Variants in EHMT1 observed in about 807,000 individuals in gnomAD.
The protein encoded by EHMT1 is euchromatic histone lysine methyltransferase 1, also known as histone-lysine N-methyltransferase EHMT1.
Under a neutral mutation model 147.2 loss-of-function variants are expected in EHMT1, and 15 were observed. The ratio of observed to expected loss-of-function variants is 0.10; its 90% CI spans 0.07 to 0.16. The LOEUF is 0.16. Ranked by LOEUF, EHMT1 falls within the 10% of genes least tolerant of loss-of-function variation. The pLI is 1.00. For synonymous variants in EHMT1, 795 were observed against 709.6 expected (o/e 1.12, Z -1.91); for missense variants, 1,587 against 1,772.4 (o/e 0.90, Z 1.88).
At chr9:137,705,078 A>G (rs1309772771) in intron 1 of EHMT1, among the ~76,000 whole-genome samples, 1 of 151,510 alleles carries the variant, frequency 6.6e-6, no homozygotes. Flanking sequence ...ACCTTGAACC[A>G]GCCTTGGTTC....
At chr9:137,735,774 G>A (rs1210994411) in intron 4 of EHMT1, among the ~76,000 whole-genome samples, 1 of 152,204 alleles carries the variant, frequency 6.6e-6, no homozygotes. Context: ...CTCGCTCTTA[G>A]TTGCCTTGAG....
intron 1 of EHMT1, among the ~76,000 whole-genome samples, chr9:137,622,226 C>G (rs1842983219): frequency 6.6e-6 from 1 of 151,132 alleles, no homozygotes; most frequent in African/African-American, 2.4e-5. Flanking sequence ...TCAAGTGATT[C>G]TTGTGCCTCA....
rs1951977012 is a variant in EHMT1, at chr9:137,786,497, C to T, written c.2382+4100C>T. 1 of 153,208 alleles carries T rather than the reference C, an allele frequency of 6.5e-6. No individual in the cohort carries two copies. Among genetic ancestry groups the T allele is most frequent in the Non-Finnish European group, 1.5e-5 (1 of 68,822 alleles). The allele number at this position is 153,208 out of a possible 1,614,324, so 9.5% of individuals were successfully genotyped here. On this transcript the variant is annotated intron_variant, in intron 15 of 26. Coordinates refer to ENST00000460843, the MANE Select transcript of EHMT1 (RefSeq NM_024757.5). This position sits in a 1 kb window ranked among gnomAD's most constrained non-coding sequence, Gnocchi z 4.3. The stretch of plus-strand genomic sequence containing the variant: ...ACTCTTTGGGCAGGCTCTGGCCACA[C>T]CAGTGAGGGCCTGTGGTGTCATCTC...
At chr9:137,676,280 AG>A (rs1179536435) in intron 1 of EHMT1, 1 of 130,316 alleles carries the variant, frequency 7.7e-6, no homozygotes, top group Non-Finnish European at 1.6e-5. Context: ...CGTGTCAGCC[AG>A]GATGGTCTTG....
intron 1 of EHMT1, among the ~76,000 whole-genome samples, chr9:137,679,602 A>G (rs1941742339): frequency 6.6e-6 from 1 of 152,120 alleles, no homozygotes; most frequent in Non-Finnish European, 1.5e-5. Flanking sequence ...TCTGTTGGCC[A>G]TTTGGGAATG....
intron 1 of EHMT1, among the ~76,000 whole-genome samples, chr9:137,694,345 C>T (rs1166194582): frequency 6.7e-6 from 1 of 149,826 alleles, no homozygotes; most frequent in Non-Finnish European, 1.5e-5. Flanking sequence ...GGACGCTGGC[C>T]GATACCCACC....
At chr9:137,744,224 A>G (rs1287525574) in intron 6 of EHMT1, 134 bp downstream of exon 6, 2 of 916,846 alleles carry the variant, frequency 2.2e-6, no homozygotes, top group East Asian at 2.7e-5. Context: ...AGATTTTTGT[A>G]TTTTATTTTT....
At chr9:137,819,945 G>C (rs1393583895) in intron 25 of EHMT1, 1 of 152,086 alleles carries the variant, frequency 6.6e-6, no homozygotes, top group African/African-American at 2.4e-5. Context: ...TCCCATCATT[G>C]CTCTGGAATT....
At chr9:137,683,252 A>G (rs1026897031) in intron 1 of EHMT1, among the ~76,000 whole-genome samples, 2 of 152,230 alleles carry the variant, frequency 1.3e-5, no homozygotes, top group African/African-American at 2.4e-5. Flanking sequence ...GCATTTGTAG[A>G]CAAGAGATCA....
chr9:137,643,027 G>A (rs1394169277), intron 1 of EHMT1, among the ~76,000 whole-genome samples: 2 of 151,818 alleles, frequency 1.3e-5, no homozygotes, highest in East Asian at 2.0e-4. Flanking sequence ...CTATGGGTGC[G>A]TGCCACTATT....
chr9:137,644,926 G>T (rs1347826009), intron 1 of EHMT1, among the ~76,000 whole-genome samples: 1 of 152,038 alleles, frequency 6.6e-6, no homozygotes, highest in Non-Finnish European at 1.5e-5. Context: ...AGGCTGGAGT[G>T]CAGTGGTGCG....
At chr9:137,671,739 G>C (rs771580786) in intron 1 of EHMT1, among the ~76,000 whole-genome samples, 41 of 152,056 alleles carry the variant, frequency 2.7e-4, no homozygotes, top group Admixed American at 3.9e-4. Flanking sequence ...TGTTGCCCAG[G>C]CTGAGCTTGA....
At chr9:137,699,730 A>T (rs1465395742) in intron 1 of EHMT1, among the ~76,000 whole-genome samples, 1 of 150,936 alleles carries the variant, frequency 6.6e-6, no homozygotes, top group African/African-American at 2.4e-5. Context: ...ACATGCCTGT[A>T]GTCCCACCTA....
intron 16 of EHMT1, among the ~76,000 whole-genome samples, chr9:137,795,437 TCA>T (rs1952852497): frequency 2.6e-5 from 1 of 38,214 alleles, no homozygotes; most frequent in Non-Finnish European, 6.7e-5. Flanking sequence ...ACTCTCACAC[TCA>T]CATACACACA....
rs1426563786 is a variant in EHMT1, at chr9:137,780,255, C to T, written c.2275+538C>T. ...ATGACGCTGGGATGTGTGGTGATGA[C>T]GCTGGGATGTGTGGTGATGATGCTG... On this transcript the variant is annotated intron_variant, in intron 14 of 26. Coordinates refer to ENST00000460843, the MANE Select transcript of EHMT1 (RefSeq NM_024757.5). Among the ~76,000 whole-genome samples, 8 of 132,570 alleles carry T rather than the reference C, an allele frequency of 6.0e-5. No homozygotes were observed. In the South Asian group the frequency reaches 1.2e-3, roughly 21 times the overall value. The allele number at this position is 132,570 out of a possible 152,430, so 87.0% of individuals were successfully genotyped here.
chr9:137,662,241 A>C (rs572208009), intron 1 of EHMT1, among the ~76,000 whole-genome samples: 1 of 152,178 alleles, frequency 6.6e-6, no homozygotes, highest in African/African-American at 2.4e-5. Flanking sequence ...TCTGTCACCC[A>C]GGCTGGAGTA....
chr9:137,755,267 G>A (rs1949294849), intron 8 of EHMT1, among the ~76,000 whole-genome samples: 1 of 152,114 alleles, frequency 6.6e-6, no homozygotes, highest in Non-Finnish European at 1.5e-5. Flanking sequence ...CTGCTCCCAG[G>A]CAGCCCCTGG....
At chr9:137,831,784 G>A (rs1178047172) in intron 25 of EHMT1, among the ~76,000 whole-genome samples, 4 of 152,258 alleles carry the variant, frequency 2.6e-5, no homozygotes, top group Admixed American at 1.3e-4. Flanking sequence ...AGTTGTTCCT[G>A]TTAACATGTG....
chr9:137,833,993 T>C (rs2133143377), intron 25 of EHMT1: 1 of 321,190 alleles, frequency 3.1e-6, no homozygotes, highest in South Asian at 3.6e-5. Flanking sequence ...CGGCCTCCTT[T>C]CTCCTATTGG....
Sources: allele counts gnomAD v4.1 joint callset (sites outside exome capture counted in the v4.1 genomes callset), GRCh38; gene constraint gnomAD v4.1.1; non-coding constraint Gnocchi (gnomAD v3.1); transcripts MANE v1.5; gene names NCBI Gene and HGNC (gene_info 2026-07-23, HGNC 2026-07-21).